The following OSTN variants were observed in gnomAD, a reference collection of about 807,000 sequenced individuals.
OSTN encodes osteocrin.
A neutral mutation model predicts 12.0 loss-of-function variants in OSTN; 9 were observed. The ratio of observed to expected loss-of-function variants is 0.75; its 90% CI spans 0.45 to 1.30. OSTN has a LOEUF of 1.30. Among genes scored for constraint, OSTN ranks in the 50% most tolerant of loss-of-function variants. The pLI is 0.00. For missense variants in OSTN, 148 were observed against 152.3 expected (o/e 0.97, Z 0.15); for synonymous variants, 59 against 56.9 (o/e 1.04, Z -0.16).
At chr3:191,252,856 T>G (rs1715589767) in intron 4 of OSTN, among the ~76,000 whole-genome samples, 1 of 152,234 alleles carries the variant, frequency 6.6e-6, no homozygotes, top group Non-Finnish European at 1.5e-5. Flanking sequence ...ACAGGGGATG[T>G]ATCATTTAAC....
In OSTN at chr3:191,252,213, C is replaced by T. The variant is rs545656159; in HGVS notation, c.*12+2080C>T. 7.2e-4 allele frequency among the ~76,000 whole-genome samples: 109 copies of T among 152,298 alleles called. 1 individual carries two copies. Among genetic ancestry groups the T allele is most frequent in the African/African-American group, 2.4e-3 (100 of 41,548 alleles). On this transcript the variant is annotated intron_variant, in intron 4 of 4. Coordinates refer to ENST00000682035, the MANE Select transcript of OSTN (RefSeq NM_198184.2). The stretch of plus-strand genomic sequence containing the variant: ...CATCTGGGACTACAGGCGTGCGCCA[C>T]CACGCCCAGTTACTTTTTTAAAAAT...
intron 4 of OSTN, among the ~76,000 whole-genome samples, chr3:191,258,308 T>G (rs892143323): frequency 1.3e-5 from 2 of 152,194 alleles, no homozygotes; most frequent in African/African-American, 4.8e-5. Flanking sequence ...AGGACAGAAC[T>G]CATTAAGGAA....
chr3:191,205,352 T>A (rs1714243935), intron 1 of OSTN, among the ~76,000 whole-genome samples: 1 of 152,042 alleles, frequency 6.6e-6, no homozygotes, highest in East Asian at 1.9e-4. Flanking sequence ...ATGCTGAATA[T>A]CTGTATATTG....
rs553402932 is a variant in OSTN at position 191,247,747 on chromosome 3, A to G, written c.318-2290A>G. 3.3e-5 allele frequency among the ~76,000 whole-genome samples: 5 copies of G among 152,336 alleles called. No individual in the cohort carries two copies. The South Asian group carries it at 1.0e-3, about 32-fold the overall frequency. On this transcript the variant is annotated intron_variant, in intron 3 of 4. Coordinates refer to ENST00000682035, the MANE Select transcript of OSTN (RefSeq NM_198184.2). ...AATATTAGTTGTCCTTAAATACATT[A>G]TTTTAATTAGAACTTATCAATGTTT...
At chr3:191,217,982 C>A (rs1052467161) in intron 2 of OSTN, among the ~76,000 whole-genome samples, 2 of 150,904 alleles carry the variant, frequency 1.3e-5, no homozygotes, top group Non-Finnish European at 2.9e-5. Flanking sequence ...ATACTATGAG[C>A]AAAATACGAG....
At chr3:191,240,778 T>C (rs1490956473) in intron 3 of OSTN, among the ~76,000 whole-genome samples, 5 of 152,262 alleles carry the variant, frequency 3.3e-5, no homozygotes, top group African/African-American at 1.2e-4. Context: ...CGAGAGGCCT[T>C]AGCTCTTTGC....
chr3:191,204,436 A>G (rs1714223353), intron 1 of OSTN, among the ~76,000 whole-genome samples: 1 of 152,180 alleles, frequency 6.6e-6, no homozygotes, highest in African/African-American at 2.4e-5. Context: ...GCAATTTTCA[A>G]TTGCTCTTGG....
chr3:191,244,592 AATATAATATAAATATATTTATATTTCAT>A (rs1019601286), intron 3 of OSTN, among the ~76,000 whole-genome samples: 15 of 147,828 alleles, frequency 1.0e-4, no homozygotes, highest in Non-Finnish European at 1.9e-4. Context: ...ATATATTATA[AATATAATATAAATATATTTATATTTCAT>A]ATATAATATA....
intron 1 of OSTN, among the ~76,000 whole-genome samples, chr3:191,202,457 A>G (rs1405637390): frequency 2.6e-5 from 4 of 152,190 alleles, no homozygotes. Context: ...TCTGACATGC[A>G]GTGTATGCCT....
In OSTN at chr3:191,203,186, C is replaced by T. The variant is rs76480758; in HGVS notation, c.-1+3879C>T. 1.6e-3 allele frequency among the ~76,000 whole-genome samples: 247 copies of T among 152,262 alleles called. 1 individual carries two copies. Among genetic ancestry groups the T allele is most frequent in the African/African-American group, 5.7e-3 (236 of 41,550 alleles). ...AAAGCTGGGATATTAGTATCTGCCC[C>T]GCATTCCTGTTTACCTTCCACATAA... On this transcript the variant is annotated intron_variant, in intron 1 of 4. Transcript: ENST00000682035.
At chr3:191,212,191 C>G (rs1714475908) in intron 1 of OSTN, among the ~76,000 whole-genome samples, 1 of 152,144 alleles carries the variant, frequency 6.6e-6, no homozygotes, top group Non-Finnish European at 1.5e-5. Flanking sequence ...CAAATTTCTC[C>G]TCAGTTACAT....
intron 1 of OSTN, among the ~76,000 whole-genome samples, chr3:191,205,957 A>T (rs1315535099): frequency 1.3e-5 from 2 of 152,126 alleles, no homozygotes; most frequent in African/African-American, 4.8e-5. Flanking sequence ...GGCTGAGGCG[A>T]GTGGATCACC....
At chr3:191,250,919 G>A (rs897120955) in intron 4 of OSTN, among the ~76,000 whole-genome samples, 7 of 152,148 alleles carry the variant, frequency 4.6e-5, no homozygotes, top group Admixed American at 4.6e-4. Flanking sequence ...AATTATTGAT[G>A]TATAAGGGTT....
chr3:191,224,415 G>T (rs1714857398), intron 3 of OSTN, among the ~76,000 whole-genome samples: 1 of 147,942 alleles, frequency 6.8e-6, no homozygotes, highest in African/African-American at 2.5e-5. Flanking sequence ...AATAATAGAA[G>T]AGCTTAATTA....
At chr3:191,210,363 G>C (rs1192738993) in intron 1 of OSTN, among the ~76,000 whole-genome samples, 5 of 152,104 alleles carry the variant, frequency 3.3e-5, no homozygotes, top group African/African-American at 1.2e-4. Flanking sequence ...TTGAGGGCAA[G>C]GAAAGAGCCA....
intron 3 of OSTN, among the ~76,000 whole-genome samples, chr3:191,244,331 T>C (rs1715384427): frequency 6.6e-6 from 1 of 151,934 alleles, no homozygotes; most frequent in Non-Finnish European, 1.5e-5. Flanking sequence ...GTGATTGTAT[T>C]AAATTGATAA....
chr3:191,238,915 T>C (rs1441244340), intron 3 of OSTN, among the ~76,000 whole-genome samples: 1 of 152,250 alleles, frequency 6.6e-6, no homozygotes, highest in Non-Finnish European at 1.5e-5. Flanking sequence ...CAAAGTATAT[T>C]ACAGACCCTA....
intron 2 of OSTN, among the ~76,000 whole-genome samples, chr3:191,216,575 A>C (rs1714618012): frequency 6.6e-6 from 1 of 152,210 alleles, no homozygotes; most frequent in Non-Finnish European, 1.5e-5. Context: ...GAATGCTTTT[A>C]AGAGCACCAG....
chr3:191,232,602 ATTT>A (rs150259369), intron 3 of OSTN, among the ~76,000 whole-genome samples: 1 of 142,818 alleles, frequency 7.0e-6, no homozygotes, highest in Admixed American at 7.0e-5. Flanking sequence ...TGACTAAATC[ATTT>A]TTTTTTTTTT....
Sources: allele counts gnomAD v4.1 joint callset (sites outside exome capture counted in the v4.1 genomes callset), GRCh38; gene constraint gnomAD v4.1.1; transcripts MANE v1.5; gene names NCBI Gene and HGNC (gene_info 2026-07-23, HGNC 2026-07-21).